The following ADGRB3 variants were observed in gnomAD, a reference collection of about 807,000 sequenced individuals.
ADGRB3 encodes adhesion G protein-coupled receptor B3, also known as brain-specific angiogenesis inhibitor 3.
ADGRB3 carries 37 observed loss-of-function variants against 193.4 expected under a neutral mutation model. That is an observed-to-expected ratio of 0.19 (90% CI 0.15 to 0.25). The LOEUF (loss-of-function observed/expected upper bound fraction) is 0.25, where lower values mean the gene tolerates loss of function less well. ADGRB3 is among the 10% of genes least tolerant of loss of function. The pLI is 1.00. For synonymous variants in ADGRB3, 690 were observed against 644.2 expected (o/e 1.07, Z -1.08); for missense variants, 1,637 against 1,852.9 (o/e 0.88, Z 2.14).
intron 3 of ADGRB3, among the ~76,000 whole-genome samples, chr6:68,821,263 C>A (rs1767743490): frequency 6.6e-6 from 1 of 151,826 alleles, no homozygotes; most frequent in Non-Finnish European, 1.5e-5. Flanking sequence ...TGTTTATTTG[C>A]ATAATTATTT....
At chr6:69,071,342 A>G (rs1772073145) in intron 16 of ADGRB3, among the ~76,000 whole-genome samples, 1 of 135,404 alleles carries the variant, frequency 7.4e-6, no homozygotes, top group Admixed American at 8.2e-5. Context: ...TAAGAAAACA[A>G]AAGTTATGCA....
chr6:69,075,185 A>G (rs576614345), intron 16 of ADGRB3, among the ~76,000 whole-genome samples: 17 of 152,336 alleles, frequency 1.1e-4, no homozygotes, highest in African/African-American at 3.4e-4. Flanking sequence ...ATACACTTTA[A>G]AAGTGTATGC....
chr6:68,692,513 T>C (rs1407776879), intron 3 of ADGRB3, among the ~76,000 whole-genome samples: 1 of 151,852 alleles, frequency 6.6e-6, no homozygotes, highest in Non-Finnish European at 1.5e-5. Context: ...GCATTTAAAT[T>C]TCTGTATGCT....
chr6:68,669,820 T>G (rs1199907444), intron 3 of ADGRB3, among the ~76,000 whole-genome samples: 4 of 151,884 alleles, frequency 2.6e-5, no homozygotes, highest in Non-Finnish European at 4.4e-5. Flanking sequence ...GGTAGCTCAA[T>G]TTTTAGATTT....
chr6:69,243,475 G>T (rs551961881), intron 20 of ADGRB3, among the ~76,000 whole-genome samples: 17 of 151,830 alleles, frequency 1.1e-4, no homozygotes, highest in African/African-American at 4.1e-4. Flanking sequence ...GACACAGAAT[G>T]ATTATGGATA....
chr6:68,808,426 C>T (rs1246051301), intron 3 of ADGRB3, among the ~76,000 whole-genome samples: 1 of 139,806 alleles, frequency 7.2e-6, no homozygotes, highest in African/African-American at 2.6e-5. Context: ...TTTTCAAGAC[C>T]TTTTTTTTTT....
chr6:69,333,550 G>A (rs561164715), intron 24 of ADGRB3, among the ~76,000 whole-genome samples: 11 of 151,856 alleles, frequency 7.2e-5, no homozygotes, highest in Middle Eastern at 3.2e-3. Flanking sequence ...GCTAAAAAGA[G>A]TTATTCATAA....
intron 3 of ADGRB3, among the ~76,000 whole-genome samples, chr6:68,749,408 ATGTGTGTG>A (rs60078030): frequency 1.3e-3 from 173 of 136,558 alleles, no homozygotes; most frequent in Middle Eastern, 7.4e-3. Context: ...ATATATATAT[ATGTGTGTG>A]TGTGTGTGTG....
intron 3 of ADGRB3, among the ~76,000 whole-genome samples, chr6:68,804,909 T>C (rs1767374662): frequency 6.6e-6 from 1 of 151,974 alleles, no homozygotes; most frequent in African/African-American, 2.4e-5. Flanking sequence ...TCCCACAGTA[T>C]TTTTTTAATT....
At chr6:68,947,496 T>C (rs570909803) in intron 6 of ADGRB3, among the ~76,000 whole-genome samples, 1 of 152,290 alleles carries the variant, frequency 6.6e-6, no homozygotes, top group Non-Finnish European at 1.5e-5. Context: ...AAGTGGACTT[T>C]CTTGACATGA....
intron 20 of ADGRB3, among the ~76,000 whole-genome samples, chr6:69,248,113 C>T (rs1186638634): frequency 1.3e-5 from 2 of 152,082 alleles, no homozygotes; most frequent in Non-Finnish European, 2.9e-5. Context: ...TGCTTTTCTC[C>T]CCTGAAATCA....
chr6:68,975,807 A>G (rs1019833154), intron 10 of ADGRB3, among the ~76,000 whole-genome samples: 8 of 152,212 alleles, frequency 5.3e-5, no homozygotes, highest in African/African-American at 1.7e-4. Flanking sequence ...TGACAGTGTT[A>G]TTGCACCAGA....
chr6:68,839,889 T>C (rs1232991081), intron 3 of ADGRB3, among the ~76,000 whole-genome samples: 1 of 152,110 alleles, frequency 6.6e-6, no homozygotes, highest in Admixed American at 6.6e-5. Flanking sequence ...CAAAATCTTG[T>C]ATGCATAGGG....
chr6:69,114,247 C>T (rs1035952194), intron 17 of ADGRB3, among the ~76,000 whole-genome samples: 2 of 152,122 alleles, frequency 1.3e-5, no homozygotes, highest in African/African-American at 4.8e-5. Flanking sequence ...TAGGATGGTG[C>T]AAGACAAGAC....
intron 3 of ADGRB3, among the ~76,000 whole-genome samples, chr6:68,642,971 T>C (rs890474775): frequency 4.6e-5 from 7 of 152,184 alleles, no homozygotes; most frequent in African/African-American, 1.7e-4. Context: ...AGCTGAGATA[T>C]AAAATGTGGA....
intron 3 of ADGRB3, among the ~76,000 whole-genome samples, chr6:68,906,597 C>A (rs953867175): frequency 3.3e-5 from 5 of 151,932 alleles, no homozygotes; most frequent in Admixed American, 2.6e-4. Context: ...ATTTAGAATC[C>A]AATTGCATTC....
At chr6:68,796,003 G>A (rs1039771679) in intron 3 of ADGRB3, among the ~76,000 whole-genome samples, 1 of 151,906 alleles carries the variant, frequency 6.6e-6, no homozygotes, top group Admixed American at 6.6e-5. Flanking sequence ...CTGTTTTGCT[G>A]CAAAATAAAT....
At position 69,361,113 on chromosome 6, in the gene ADGRB3, T is replaced by C. The variant is rs746897611; in HGVS notation, c.3840T>C (p.Thr1280=). 6.2e-7 allele frequency: 1 copy of C among 1,612,950 alleles called. No homozygotes were observed. Among genetic ancestry groups the C allele is most frequent in the Non-Finnish European group, 8.5e-7 (1 of 1,179,296 alleles). Residue 1280 remains threonine (T), a synonymous_variant, in exon 29 of 32, where the codon ACT becomes ACC. Coordinates refer to ENST00000370598, the MANE Select transcript of ADGRB3 (RefSeq NM_001704.3). ...AAGAAAATAGTGAATTGCGGAGAAC[T>C]GTGTACTTATGTACGGATGATAATT... ...LKKENSELRR[T]VYLCTDDNLR... is the part of the protein sequence containing the mutation.
At chr6:69,244,107 T>G (rs1255690463) in intron 20 of ADGRB3, among the ~76,000 whole-genome samples, 9 of 152,016 alleles carry the variant, frequency 5.9e-5, no homozygotes, top group Admixed American at 5.9e-4. Flanking sequence ...TCATGGTTCT[T>G]TATGTGTGGA....
Sources: gnomAD v4.1 joint callset for allele counts (sites outside exome capture counted in the v4.1 genomes callset) on GRCh38, gnomAD v4.1.1 for gene constraint, MANE v1.5 for transcripts, NCBI Gene and HGNC (gene_info 2026-07-23, HGNC 2026-07-21) for gene names.